PLCH1: variants seen among roughly 807,000 people sequenced by gnomAD.
PLCH1 encodes the protein 1-phosphatidylinositol 4,5-bisphosphate phosphodiesterase eta-1.
PLCH1 carries 60 observed loss-of-function variants against 126.7 expected under a neutral mutation model. That is an observed-to-expected ratio of 0.47 (90% confidence interval 0.38 to 0.59). The LOEUF is 0.59. Ranked by LOEUF, PLCH1 falls within the 20% of genes least tolerant of loss-of-function variation. The pLI is 0.00. For missense variants in PLCH1, 1,723 were observed against 2,040.0 expected (o/e 0.84, Z 2.99); for synonymous variants, 719 against 734.9 (o/e 0.98, Z 0.35).
chr3:155,602,481 G>T (rs1733860178), intron 2 of PLCH1, among the ~76,000 whole-genome samples: 1 of 152,114 alleles, frequency 6.6e-6, no homozygotes, highest in African/African-American at 2.4e-5. Context: ...CCTCTTAAGG[G>T]TGAGGATACA....
chr3:155,598,587 A>C (rs1733299147), intron 2 of PLCH1, among the ~76,000 whole-genome samples: 1 of 152,210 alleles, frequency 6.6e-6, no homozygotes, highest in Non-Finnish European at 1.5e-5. Flanking sequence ...TTTTAAGAGA[A>C]CAAAACATCT....
At chr3:155,684,269 T>C (rs1202165709) in intron 2 of PLCH1, among the ~76,000 whole-genome samples, 1 of 151,962 alleles carries the variant, frequency 6.6e-6, no homozygotes, top group Non-Finnish European at 1.5e-5. Context: ...AACCATAAAT[T>C]GGGGGAAGCG....
intron 2 of PLCH1, among the ~76,000 whole-genome samples, chr3:155,685,153 G>A (rs374367100): frequency 6.6e-5 from 10 of 152,062 alleles, no homozygotes; most frequent in African/African-American, 2.4e-4. Flanking sequence ...TCCAATTGTC[G>A]GAAGACACTG....
chr3:155,542,212 A>G (rs1219041789), intron 10 of PLCH1, among the ~76,000 whole-genome samples: 3 of 152,140 alleles, frequency 2.0e-5, no homozygotes, highest in African/African-American at 7.2e-5. Flanking sequence ...GGGCTTAAAA[A>G]ACGGCGCACC....
chr3:155,602,757 G>T (rs1487118914), intron 2 of PLCH1, among the ~76,000 whole-genome samples: 7 of 152,012 alleles, frequency 4.6e-5, no homozygotes, highest in Non-Finnish European at 1.0e-4. Flanking sequence ...CATATATGTG[G>T]TCCATTATTT....
chr3:155,676,137 GA>G (rs1046528740), intron 2 of PLCH1: 39 of 1,372,674 alleles, frequency 2.8e-5, no homozygotes, highest in Admixed American at 1.3e-4. Context: ...AGGGTGGGGG[GA>G]AAAAAGGCAA....
chr3:155,508,530 T>C (rs1320201340), intron 12 of PLCH1, among the ~76,000 whole-genome samples: 4 of 135,104 alleles, frequency 3.0e-5, no homozygotes, highest in Non-Finnish European at 4.6e-5. Flanking sequence ...ATACGTCCCA[T>C]CAATACCTAA....
At chr3:155,546,210 G>A (rs1725253572) in intron 10 of PLCH1, among the ~76,000 whole-genome samples, 1 of 152,106 alleles carries the variant, frequency 6.6e-6, no homozygotes, top group African/African-American at 2.4e-5. Flanking sequence ...CAAAATCAAT[G>A]TACAAAAATC....
chr3:155,648,497 T>A (rs544526859), intron 2 of PLCH1, among the ~76,000 whole-genome samples: 2 of 152,292 alleles, frequency 1.3e-5, no homozygotes, highest in South Asian at 4.1e-4. Context: ...GCAACTTCCA[T>A]CAAGGAGAAA....
chr3:155,714,374 A>G (rs1420708937), intron 1 of PLCH1, among the ~76,000 whole-genome samples: 1 of 152,148 alleles, frequency 6.6e-6, no homozygotes, highest in Non-Finnish European at 1.5e-5. Flanking sequence ...TCAGGTCCAG[A>G]GGGCTCCCAT....
chr3:155,466,698 GAGA>G, intron 21 of PLCH1, among the ~76,000 whole-genome samples: 1 of 152,320 alleles, frequency 6.6e-6, no homozygotes, highest in Admixed American at 6.5e-5. Flanking sequence ...CTGTCAGACA[GAGA>G]ATTCAAAATA....
intron 2 of PLCH1, among the ~76,000 whole-genome samples, chr3:155,632,764 A>T (rs1410229167): frequency 6.6e-6 from 1 of 152,218 alleles, no homozygotes; most frequent in Non-Finnish European, 1.5e-5. Context: ...TGGTCTGCAC[A>T]TGATCTGTAA....
chr3:155,691,900 G>A (rs1745412940), intron 2 of PLCH1, among the ~76,000 whole-genome samples: 1 of 152,014 alleles, frequency 6.6e-6, no homozygotes, highest in African/African-American at 2.4e-5. Flanking sequence ...CTTATCATCA[G>A]AAGACCGTGT....
chr3:155,616,344 C>T (rs759009307), intron 2 of PLCH1, among the ~76,000 whole-genome samples: 83 of 152,194 alleles, frequency 5.5e-4, no homozygotes, highest in Non-Finnish European at 5.9e-5. Context: ...AAAGATTAAT[C>T]TTACAAAGAA....
At chr3:155,583,777 A>ATTCTCTTCGAGCACACC in intron 5 of PLCH1, 135 bp from the exon 6 acceptor site, 1 of 574,450 alleles carries the variant, frequency 1.7e-6, no homozygotes, top group South Asian at 2.8e-5. Context: ...TCGAGCACAC[A>ATTCTCTTCGAGCACACC]TTCTCTTCAA....
chr3:155,459,817 C>T (rs1712642838), intron 21 of PLCH1, among the ~76,000 whole-genome samples: 1 of 152,108 alleles, frequency 6.6e-6, no homozygotes, highest in African/African-American at 2.4e-5. Flanking sequence ...GGTGCCTTGT[C>T]CCAAAGTGAT....
intron 1 of PLCH1, among the ~76,000 whole-genome samples, chr3:155,711,785 GA>G (rs1267901211): frequency 6.6e-6 from 1 of 152,176 alleles, no homozygotes; most frequent in Non-Finnish European, 1.5e-5. Context: ...AGATCACTCA[GA>G]GTAAGGCACA....
chr3:155,616,394 A>G (rs1467382557), intron 2 of PLCH1, among the ~76,000 whole-genome samples: 1 of 152,210 alleles, frequency 6.6e-6, no homozygotes, highest in Non-Finnish European at 1.5e-5. Flanking sequence ...TTAAAATGGC[A>G]TCATTTAGTT....
intron 2 of PLCH1, among the ~76,000 whole-genome samples, chr3:155,599,437 T>A (rs1008058074): frequency 2.0e-5 from 3 of 151,668 alleles, no homozygotes; most frequent in African/African-American, 7.3e-5. Flanking sequence ...TTTGGAAGAG[T>A]GACTCAAAAG....
Sources: allele counts gnomAD v4.1 joint callset (sites outside exome capture counted in the v4.1 genomes callset), GRCh38; gene constraint gnomAD v4.1.1; transcripts MANE v1.5; gene names NCBI Gene and HGNC (gene_info 2026-07-23, HGNC 2026-07-21).